Variants in LRRFIP2 observed in about 807,000 individuals in gnomAD.
The protein encoded by LRRFIP2 is LRR binding FLII interacting protein 2.
In LRRFIP2, 109 loss-of-function variants were observed where a neutral mutation model predicts 125.9. That is an observed-to-expected ratio of 0.87 (90% confidence interval 0.74 to 1.01). LRRFIP2 has a LOEUF of 1.01. LRRFIP2 is among the 50% of genes least tolerant of loss of function. The probability of loss-of-function intolerance (pLI) is 0.00; values close to 1 mark genes in which losing one functional copy is unlikely to be tolerated. For missense variants in LRRFIP2, 850 were observed against 862.3 expected (o/e 0.99, Z 0.18); for synonymous variants, 291 against 293.1 (o/e 0.99, Z 0.07).
At chr3:37,110,221 G>C (rs1032287458) in intron 9 of LRRFIP2, among the ~76,000 whole-genome samples, 1 of 152,174 alleles carries the variant, frequency 6.6e-6, no homozygotes, top group Non-Finnish European at 1.5e-5. Flanking sequence ...ACAAGCCATG[G>C]ACAAAGTGCC....
At chr3:37,126,674 C>A (rs1412848187) in intron 4 of LRRFIP2, among the ~76,000 whole-genome samples, 4 of 151,688 alleles carry the variant, frequency 2.6e-5, no homozygotes, top group African/African-American at 9.7e-5. Flanking sequence ...GCCTGGCCAA[C>A]ACGATGAAAC....
rs750344521 is a variant in LRRFIP2, at chr3:37,109,482, T to C, written c.609+45A>G. 3.9e-4 allele frequency: 631 copies of C among 1,602,796 alleles called. 2 individuals are homozygous for C. The highest frequency in any genetic ancestry group is 4.9e-4 in the South Asian group (45 of 90,912). The stretch of plus-strand genomic sequence containing the variant: ...AAGCCATAGAGTTAGCACCATGACA[T>C]TGACCCCACCAGCACTGCACACACT... On this transcript the variant is annotated intron_variant, in intron 11 of 27. Transcript: ENST00000336686.
At chr3:37,113,354 C>G (rs2094626433) in intron 7 of LRRFIP2, among the ~76,000 whole-genome samples, 1 of 152,160 alleles carries the variant, frequency 6.6e-6, no homozygotes, top group South Asian at 2.1e-4. Context: ...GTCACCCAGA[C>G]AGGGGTATAG....
At chr3:37,061,733 A>G (rs1456660193) in intron 24 of LRRFIP2, among the ~76,000 whole-genome samples, 2 of 152,178 alleles carry the variant, frequency 1.3e-5, no homozygotes, top group East Asian at 3.8e-4. Context: ...ATTCCTTTAT[A>G]GCGAAGCAAA....
At chr3:37,070,438 G>A (rs910706648) in intron 21 of LRRFIP2, among the ~76,000 whole-genome samples, 3 of 151,694 alleles carry the variant, frequency 2.0e-5, no homozygotes, top group African/African-American at 7.3e-5. Flanking sequence ...ACAACTGCAT[G>A]TAAATCTAAA....
At chr3:37,165,380 C>T (rs1489569112) in intron 1 of LRRFIP2, among the ~76,000 whole-genome samples, 3 of 146,548 alleles carry the variant, frequency 2.0e-5, no homozygotes, top group African/African-American at 7.6e-5. Context: ...CACCCCACCC[C>T]CGTCCATGGA....
At position 37,112,923 on chromosome 3, in the gene LRRFIP2, C is replaced by G. The variant is rs532862157; in HGVS notation, c.430G>C (p.Asp144His). The change falls in exon 8 of 28, where the codon GAC becomes CAC. Residue 144 changes from aspartate to histidine, a missense_variant. Transcript: ENST00000336686. ...GAGACAACAGAACTAACCAGTAGGT[C>G]TTTATGAGAATCAGAAGACCTCTTC... ...MKKRSSDSHK[D>H]LLSGLYFDQR... The G allele has an allele frequency of 6.4e-7, 1 of 1,564,782 alleles. No individual in the cohort carries two copies. Among genetic ancestry groups the G allele is most frequent in the Admixed American group, 1.7e-5 (1 of 59,570 alleles).
upstream of LRRFIP2, chr3:37,175,363 G>C (rs1013993742): frequency 2.0e-5 from 3 of 152,204 alleles, no homozygotes; most frequent in African/African-American, 7.2e-5. Context: ...TTAAGGTTTA[G>C]GATACAATAT....
At chr3:37,089,219 T>G (rs775315246) in intron 18 of LRRFIP2, among the ~76,000 whole-genome samples, 82 of 152,216 alleles carry the variant, frequency 5.4e-4, no homozygotes, top group Non-Finnish European at 1.0e-3. Flanking sequence ...ACTTACAAAA[T>G]CGTTAATCTT....
intron 15 of LRRFIP2, among the ~76,000 whole-genome samples, chr3:37,097,227 A>G (rs2093766176): frequency 6.6e-6 from 1 of 151,944 alleles, no homozygotes; most frequent in African/African-American, 2.4e-5. Flanking sequence ...ACAGCACAAA[A>G]GAGTATGAGT....
At chr3:37,168,609 T>C (rs1249302980) in intron 1 of LRRFIP2, among the ~76,000 whole-genome samples, 1 of 152,236 alleles carries the variant, frequency 6.6e-6, no homozygotes, top group Admixed American at 6.5e-5. Context: ...TACACAATAA[T>C]GTAAATGTAC....
intron 19 of LRRFIP2, among the ~76,000 whole-genome samples, chr3:37,082,614 C>A (rs555740254): frequency 2.0e-5 from 3 of 152,212 alleles, no homozygotes; most frequent in Middle Eastern, 3.4e-3. Context: ...TACATGTATC[C>A]ATAATAACAT....
intron 2 of LRRFIP2, among the ~76,000 whole-genome samples, chr3:37,147,445 C>T (rs1285355945): frequency 3.3e-5 from 5 of 152,168 alleles, no homozygotes; most frequent in Admixed American, 6.5e-5. Flanking sequence ...TGGAATCAAC[C>T]CAAACGCTCT....
At chr3:37,127,244 A>G (rs549592521) in intron 4 of LRRFIP2, among the ~76,000 whole-genome samples, 20 of 152,322 alleles carry the variant, frequency 1.3e-4, no homozygotes, top group South Asian at 8.3e-4. Context: ...AGTTGATATA[A>G]TAAGAGTAAT....
intron 2 of LRRFIP2, among the ~76,000 whole-genome samples, chr3:37,147,977 A>G (rs566181557): frequency 1.3e-5 from 2 of 152,330 alleles, no homozygotes; most frequent in Non-Finnish European, 2.9e-5. Context: ...TAACAGAATT[A>G]AACATAAAAA....
intron 2 of LRRFIP2, 130 bp downstream of exon 2, chr3:37,148,764 G>A: frequency 1.2e-6 from 1 of 861,516 alleles, no homozygotes; most frequent in Non-Finnish European, 1.8e-6. Context: ...TTAGAGACTA[G>A]CTATAACATC....
chr3:37,143,256 A>G (rs1272201544), intron 2 of LRRFIP2, among the ~76,000 whole-genome samples: 2 of 152,256 alleles, frequency 1.3e-5, no homozygotes, highest in African/African-American at 2.4e-5. Context: ...AGACAAGCAG[A>G]TAACTCTTTA....
chr3:37,149,445 A>G (rs909645583), intron 1 of LRRFIP2, among the ~76,000 whole-genome samples: 1 of 152,092 alleles, frequency 6.6e-6, no homozygotes, highest in Admixed American at 6.6e-5. Context: ...TGAACCTAGG[A>G]GGCGGAGGTT....
At chr3:37,066,493 C>T (rs1275168724) in intron 21 of LRRFIP2, 168 bp from the exon 22 acceptor site, 7 of 604,336 alleles carry the variant, frequency 1.2e-5, no homozygotes, top group Non-Finnish European at 2.1e-5. Context: ...TACAGAGTTA[C>T]ATGGATATAC....
Sources: gnomAD v4.1 joint callset for allele counts (sites outside exome capture counted in the v4.1 genomes callset) on GRCh38, gnomAD v4.1.1 for gene constraint, MANE v1.5 for transcripts, NCBI Gene and HGNC (gene_info 2026-07-23, HGNC 2026-07-21) for gene names.